Variants in HLA-DRB1 observed in about 807,000 individuals in gnomAD.
HLA-DRB1 encodes the protein major histocompatibility complex, class II, DR beta 1, also known as major histocompatibility complex, class II, DR beta 1 precursor.
Under a neutral mutation model 27.9 loss-of-function variants are expected in HLA-DRB1, and 10 were observed. That is an observed-to-expected ratio of 0.36 (90% CI 0.22 to 0.61). The LOEUF (loss-of-function observed/expected upper bound fraction) is 0.61. Ranked by LOEUF, HLA-DRB1 falls within the 20% of genes least tolerant of loss-of-function variation. The probability of loss-of-function intolerance (pLI) is 0.73; values close to 1 mark genes in which losing one functional copy is unlikely to be tolerated. For synonymous variants in HLA-DRB1, 57 were observed against 126.7 expected, an observed-to-expected ratio of 0.45 and a Z score of 3.69; for missense variants, 118 against 306.3, an observed-to-expected ratio of 0.39 and a Z score of 4.59.
chr6:32,581,060 C>T lies in HLA-DRB1; in HGVS notation c.653-204G>A, dbSNP rs1462976453. ...CATCAAACTCATTCAAATATTACAGCCTTGATGTAAGGCACAAGTTCAACA... is the reference window on the plus strand; with the variant it reads ...CATCAAACTCATTCAAATATTACAGTCTTGATGTAAGGCACAAGTTCAACA... On this transcript the variant is annotated intron_variant, in intron 3 of 5. Coordinates refer to ENST00000360004, the Ensembl canonical transcript of HLA-DRB1. Among the ~76,000 whole-genome samples, 2 of 94,350 alleles carry T rather than the reference C, an allele frequency of 2.1e-5. 1 individual carries two copies. Among genetic ancestry groups the T allele is most frequent in the African/African-American group, 7.8e-5 (2 of 25,648 alleles). 61.9% of individuals were successfully genotyped at this position (94,350 alleles called of 152,430 possible). A position where few individuals can be genotyped will look rare whatever the true frequency, so the allele number is the denominator to read the frequency against.
chr6:32,585,920 T>C (rs9270047), intron 1 of HLA-DRB1, among the ~76,000 whole-genome samples: 41,276 of 107,214 alleles, frequency 0.38, 9,434 homozygotes, highest in Middle Eastern at 0.55. Context: ...CTGAAATTCA[T>C]AGGCCTGATA....
intron 1 of HLA-DRB1, among the ~76,000 whole-genome samples, chr6:32,584,583 CCT>C (rs1776110236): frequency 1.2e-3 from 109 of 92,048 alleles, no homozygotes; most frequent in Middle Eastern, 5.4e-3. Flanking sequence ...CGGGAAAACC[CCT>C]TCTCATCCCC....
intron 1 of HLA-DRB1, among the ~76,000 whole-genome samples, chr6:32,588,555 T>TAGAG (rs1554130652): frequency 9.2e-3 from 442 of 47,934 alleles, no homozygotes; most frequent in Middle Eastern, 0.019. Flanking sequence ...TGGGGAAAAA[T>TAGAG]AGAAACTGGA....
At position 32,584,295 on chromosome 6, in the gene HLA-DRB1, T is replaced by G. The variant is rs17879995; in HGVS notation, c.184A>C (p.Asn62His). ...TCGAAGCGCACGGACTCCTCCTGGT[T>G]ATAGAAGTATCTGTCCAGGAACCGC... The change falls in exon 2 of 6, where the codon AAC becomes CAC. Residue 62 changes from asparagine (N) to histidine (H), a missense_variant. Transcript: ENST00000360004. 0.11 allele frequency: 142,604 copies of G among 1,301,894 alleles called. 1,991 individuals carry two copies. The highest frequency in any genetic ancestry group is 0.17 in the Admixed American group (8,794 of 51,750). The allele number at this position is 1,301,894 out of a possible 1,614,324, so 80.6% of individuals were successfully genotyped here.
In HLA-DRB1 at chr6:32,587,852, G is replaced by A. The variant is rs17203741; in HGVS notation, c.100+1791C>T. Among the ~76,000 whole-genome samples the A allele has an allele frequency of 4.5e-3, 611 of 134,480 alleles. 6 individuals are homozygous for A. In the East Asian group the frequency reaches 0.079, roughly 17 times the overall value. The allele number at this position is 134,480 out of a possible 152,430, so 88.2% of individuals were successfully genotyped here. On this transcript the variant is annotated intron_variant, in intron 1 of 5. Transcript: ENST00000360004. ...TCTTGTGTAACTTCCATGAGAGTAG[G>A]GACGCTCTCTAACTTAATCAAATAG...
chr6:32,583,998 G>GTCTC (rs9279734), intron 2 of HLA-DRB1, 111 bp downstream of exon 2: 2 of 168,044 alleles, frequency 1.2e-5, no homozygotes, highest in African/African-American at 2.6e-4. Flanking sequence ...TCCTCTCTCT[G>GTCTC]TCTCTCTCTG....
At chr6:32,587,810 G>T (rs34154149) in intron 1 of HLA-DRB1, among the ~76,000 whole-genome samples, 4,561 of 73,092 alleles carry the variant, frequency 0.062, 299 homozygotes, top group Middle Eastern at 0.082. Context: ...TATTGGGTTA[G>T]TGTCTGTCTC....
chr6:32,588,188 T>G (rs9270187), intron 1 of HLA-DRB1, among the ~76,000 whole-genome samples: 122,984 of 141,120 alleles, frequency 0.87, 54,154 homozygotes, highest in Middle Eastern at 0.95. Flanking sequence ...GGGCACAGTG[T>G]CTCACATCTA....
At chr6:32,583,994 C>CTG (rs1561814198) in intron 2 of HLA-DRB1, 115 bp downstream of exon 2, 2 of 234,000 alleles carry the variant, frequency 8.5e-6, no homozygotes, top group African/African-American at 1.8e-4. Context: ...CTCTTCCTCT[C>CTG]TCTGTCTCTC....
chr6:32,579,608 A>T (rs9269728), intron 5 of HLA-DRB1, among the ~76,000 whole-genome samples: 16 of 56,226 alleles, frequency 2.8e-4, no homozygotes, highest in Non-Finnish European at 3.7e-4. Flanking sequence ...CATGTCCTGC[A>T]GATTGGTCCA....
At chr6:32,589,053 A>C (rs1440344952) in intron 1 of HLA-DRB1, among the ~76,000 whole-genome samples, 36 of 114,632 alleles carry the variant, frequency 3.1e-4, no homozygotes, top group African/African-American at 1.1e-3. Flanking sequence ...ACAAGAAAGG[A>C]AGAGCACTAA....
chr6:32,584,862 T>A (rs1776171854), intron 1 of HLA-DRB1, among the ~76,000 whole-genome samples: 1 of 119,956 alleles, frequency 8.3e-6, no homozygotes. Context: ...ACCTCTCCAC[T>A]CCTCTGGGGG....
chr6:32,588,813 A>AC lies in HLA-DRB1; in HGVS notation c.100+829_100+830insG, dbSNP rs1554130760. Among the ~76,000 whole-genome samples the AC allele has an allele frequency of 9.6e-3, 1,018 of 106,188 alleles. 20 individuals are homozygous for AC. The highest frequency in any genetic ancestry group is 0.071 in the East Asian group (249 of 3,486). The allele number at this position is 106,188 out of a possible 152,430, so 69.7% of individuals were successfully genotyped here. ...TAAAAAATAGAATTTCATATAATTTATACATTAGTTAAATCTCTTCTGTCA... is the reference window on the plus strand; with the variant it reads ...TAAAAAATAGAATTTCATATAATTTACTACATTAGTTAAATCTCTTCTGTCA... On this transcript the variant is annotated intron_variant, in intron 1 of 5. Transcript: ENST00000360004.
chr6:32,579,227 C>T, intron 5 of HLA-DRB1, 123 bp from the exon 6 acceptor site: 1 of 232,278 alleles, frequency 4.3e-6, no homozygotes, highest in Non-Finnish European at 6.9e-6. Flanking sequence ...TGAGTCTCCC[C>T]TGAGCCAATA....
At chr6:32,586,490 A>T (rs9270084) in intron 1 of HLA-DRB1, among the ~76,000 whole-genome samples, 95 of 63,918 alleles carry the variant, frequency 1.5e-3, no homozygotes, top group African/African-American at 2.6e-3. Context: ...GGACTTACAC[A>T]CATGATGTTC....
Position 32,584,370 on chromosome 6 carries a change from G to GTACTCCAA in HLA-DRB1, c.108_109insTTGGAGTA (p.Trp38GlufsTer45). On this transcript the variant is annotated frameshift_variant, in exon 2 of 6. Coordinates refer to ENST00000360004, the Ensembl canonical transcript of HLA-DRB1. LOFTEE classifies it high-confidence loss of function. The stretch of plus-strand genomic sequence containing the variant: ...TGACACTCCCTCTTAGGCTGCCACA[G>GTACTCCAA]GAAACGTGCTGTGGGGACACGAACC... 5.0e-6 allele frequency: 3 copies of GTACTCCAA among 599,016 alleles called. No homozygotes were observed. The African/African-American group carries it at 9.7e-5, about 19-fold the overall frequency. The allele number at this position is 599,016 out of a possible 1,614,324, so 37.1% of individuals were successfully genotyped here. A position where few individuals can be genotyped will look rare whatever the true frequency, so the allele number is the denominator to read the frequency against.
In HLA-DRB1 at chr6:32,581,408, A is replaced by G. The variant is rs1775465980; in HGVS notation, c.652+149T>C. Reference sequence around the variant, plus strand: ...TACAGGTGTTTCTAGAAACACCTACAGGGCTACCCCCAGTGACCTGTGCTG... The same window carrying G: ...TACAGGTGTTTCTAGAAACACCTACGGGGCTACCCCCAGTGACCTGTGCTG... On this transcript the variant is annotated intron_variant, in intron 3 of 5. Coordinates refer to ENST00000360004, the Ensembl canonical transcript of HLA-DRB1. 1.3e-5 allele frequency: 5 copies of G among 391,550 alleles called. 1 individual carries two copies. The South Asian group carries it at 1.6e-4, about 13-fold the overall frequency. The allele number at this position is 391,550 out of a possible 1,614,324, so 24.3% of individuals were successfully genotyped here. A position where few individuals can be genotyped will look rare whatever the true frequency, so the allele number is the denominator to read the frequency against.
exon 2 of HLA-DRB1, chr6:32,584,176 C>G (rs17884749): frequency 6.0e-6 from 7 of 1,173,832 alleles, no homozygotes; most frequent in East Asian, 3.3e-5. Flanking sequence ...CCACCGCGGC[C>G]CGCGCCTGCT....
intron 1 of HLA-DRB1, among the ~76,000 whole-genome samples, chr6:32,589,290 CT>C (rs373834506): frequency 7.6e-6 from 1 of 131,820 alleles, no homozygotes; most frequent in Non-Finnish European, 1.7e-5. Context: ...TAAGAACCTC[CT>C]TTTGTCTGAC....
Sources: gnomAD v4.1 joint callset for allele counts (sites outside exome capture counted in the v4.1 genomes callset) on GRCh38, gnomAD v4.1.1 for gene constraint, MANE v1.5 for transcripts, NCBI Gene and HGNC (gene_info 2026-07-23, HGNC 2026-07-21) for gene names.